The following SMARCC2 variants were observed in gnomAD, a reference collection of about 807,000 sequenced individuals.
The protein encoded by SMARCC2 is SWI/SNF related BAF chromatin remodeling complex subunit C2.
Under a neutral mutation model 151.3 loss-of-function variants are expected in SMARCC2, and 15 were observed. That is an observed-to-expected ratio of 0.10 (90% CI 0.07 to 0.15). SMARCC2 has a LOEUF of 0.15. SMARCC2 is among the 10% of genes least tolerant of loss of function. The probability of loss-of-function intolerance (pLI) is 1.00; values close to 1 mark genes in which losing one functional copy is unlikely to be tolerated. For synonymous variants in SMARCC2, 590 were observed against 609.5 expected, an observed-to-expected ratio of 0.97 and a Z score of 0.47; for missense variants, 1,031 against 1,599.7, an observed-to-expected ratio of 0.64 and a Z score of 6.06.
At chr12:56,176,153 A>C (rs946909628) in intron 15 of SMARCC2, among the ~76,000 whole-genome samples, 9 of 146,786 alleles carry the variant, frequency 6.1e-5, no homozygotes, top group African/African-American at 2.5e-4. Flanking sequence ...CACCATGCCC[A>C]GCCATCATTT....
At chr12:56,187,741 G>A (rs1166402322) in intron 1 of SMARCC2, among the ~76,000 whole-genome samples, 2 of 152,158 alleles carry the variant, frequency 1.3e-5, no homozygotes, top group Non-Finnish European at 2.9e-5. Context: ...CCCCTATAAT[G>A]TAGCCTAACA....
intron 26 of SMARCC2, among the ~76,000 whole-genome samples, chr12:56,167,144 G>A (rs772107330): frequency 6.6e-5 from 10 of 150,970 alleles, no homozygotes; most frequent in Non-Finnish European, 7.4e-5. Flanking sequence ...CTGAGATCGG[G>A]AGTTCGAGAC....
intron 26 of SMARCC2, among the ~76,000 whole-genome samples, chr12:56,167,628 G>A (rs183597683): frequency 4.6e-5 from 7 of 151,900 alleles, no homozygotes; most frequent in Admixed American, 1.3e-4. Flanking sequence ...CATCCGTTAC[G>A]CCCATTCACT....
At chr12:56,167,266 G>A (rs908849912) in intron 26 of SMARCC2, among the ~76,000 whole-genome samples, 2 of 151,766 alleles carry the variant, frequency 1.3e-5, no homozygotes, top group East Asian at 1.9e-4. Context: ...CAGGAGAATC[G>A]CTTCCCAGGA....
rs1874671366 is a variant in SMARCC2 at position 56,175,015 on chromosome 12, C to T, written c.1383-251G>A. Among the ~76,000 whole-genome samples, 5 of 151,926 alleles carry T rather than the reference C, an allele frequency of 3.3e-5. No individual in the cohort carries two copies. In the South Asian group the frequency reaches 1.0e-3, roughly 32 times the overall value. On this transcript the variant is annotated intron_variant, in intron 15 of 28. Transcript: ENST00000550164. ...TGGCTATACTTAGGGATATTTCATA[C>T]AATTTTTTTTTTTGAGATGGAGTTT... is the stretch of plus-strand genomic sequence containing the variant.
intron 26 of SMARCC2, 148 bp from the exon 27 acceptor site, chr12:56,165,847 T>C (rs1872680928): frequency 1.3e-6 from 1 of 763,886 alleles, no homozygotes; most frequent in East Asian, 2.6e-5. Context: ...GCTCCCTCTG[T>C]CCTCCCCACC....
rs1190652736 is a variant in SMARCC2, at chr12:56,172,940, C to G, written c.1740G>C (p.Glu580Asp). Residue 580 changes from glutamate to aspartate, a missense_variant, in exon 18 of 29, where the codon GAG becomes GAC. By Grantham distance (45) the Glu-to-Asp change is conservative. Around this residue, in one of 12 missense-constraint regions of SMARCC2, gnomAD observed 99 missense variants for 148.3 expected, o/e 0.67. Transcript: ENST00000550164. ...LVPETAKGKPELQTSASQQML... is the reference protein window; with the variant it reads ...LVPETAKGKPDLQTSASQQML... ...GCAGGGTCTGCACCCCACCTACCAG[C>G]TCTGGCTTGCCCTTAGCCGTCTCTG... 1 of 1,613,262 alleles carries G rather than the reference C, an allele frequency of 6.2e-7. No individual in the cohort carries two copies. Among genetic ancestry groups the G allele is most frequent in the African/African-American group, 1.3e-5 (1 of 74,954 alleles).
In SMARCC2 at chr12:56,167,889, A is replaced by AACACACACACAC. The variant is rs57344405; in HGVS notation, c.2850+159_2850+170dup. ...CCCACTGTTGCTTATCTTTCACTGA[A>AACACACACACAC]ACACACACACACACACACACACTCA... On this transcript the variant is annotated intron_variant, in intron 26 of 28. Transcript: ENST00000550164. Among the ~76,000 whole-genome samples, 2,596 of 132,590 alleles carry AACACACACACAC rather than the reference A, an allele frequency of 0.02. 111 individuals carry two copies. The highest frequency in any genetic ancestry group is 0.073 in the African/African-American group (2,486 of 34,288). 87.0% of individuals were successfully genotyped at this position (132,590 alleles called of 152,430 possible).
intron 17 of SMARCC2, 94 bp from the exon 18 acceptor site, chr12:56,173,123 A>G: frequency 9.7e-7 from 1 of 1,028,744 alleles, no homozygotes; most frequent in Non-Finnish European, 1.5e-6. Context: ...GCGGCCCACA[A>G]GCTCTGGGGG....
In SMARCC2 at chr12:56,168,135, G is replaced by A. The variant is rs199743603; in HGVS notation, c.2775C>T (p.Thr925=). 1 of 1,614,048 alleles carries A rather than the reference G, an allele frequency of 6.2e-7. No homozygotes were observed. The highest frequency in any genetic ancestry group is 8.5e-7 in the Non-Finnish European group (1 of 1,179,998). Residue 925 remains threonine, a synonymous_variant, in exon 26 of 29, where the codon ACC becomes ACT. Transcript: ENST00000550164. ...IKSLVALLVE[T]QMKKLEIKLR... Reference sequence around the variant, plus strand: ...GTTTGATCTCCAACTTTTTCATCTGGGTCTCCACCAGCAGGGCCACCAAAG... The same window carrying A: ...GTTTGATCTCCAACTTTTTCATCTGAGTCTCCACCAGCAGGGCCACCAAAG...
At chr12:56,170,258 G>C (rs765045580) in intron 22 of SMARCC2, 50 bp from the exon 23 acceptor site, 4 of 1,471,858 alleles carry the variant, frequency 2.7e-6, no homozygotes, top group Non-Finnish European at 3.7e-6. Flanking sequence ...ATACACAGTC[G>C]TCTGTGTCTA....
intron 2 of SMARCC2, 148 bp downstream of exon 2, chr12:56,187,039 T>C: frequency 1.4e-6 from 1 of 702,206 alleles, no homozygotes; most frequent in Non-Finnish European, 2.3e-6. Context: ...GCCAAGCCAA[T>C]AATGCCCTGA....
At position 56,169,395 on chromosome 12, in the gene SMARCC2, C is replaced by A; in HGVS notation, c.2715+134G>T. On this transcript the variant is annotated intron_variant, in intron 25 of 28. Transcript: ENST00000550164. ...AGAGAAGGGATGACTAACTTTACCT[C>A]CTCCTGAGATAAAAATAAAAAATAA... is the stretch of plus-strand genomic sequence containing the variant. 2.6e-6 allele frequency: 3 copies of A among 1,135,294 alleles called. No individual in the cohort carries two copies. In the South Asian group the frequency reaches 4.6e-5, roughly 17 times the overall value. The allele number at this position is 1,135,294 out of a possible 1,614,324, so 70.3% of individuals were successfully genotyped here.
chr12:56,173,349 T>C (rs1874321600), intron 17 of SMARCC2, among the ~76,000 whole-genome samples: 1 of 152,174 alleles, frequency 6.6e-6, no homozygotes. Flanking sequence ...AAAATGAAGA[T>C]GATAATTATG....
chr12:56,179,747 T>C (rs147738969), intron 11 of SMARCC2, among the ~76,000 whole-genome samples: 5,897 of 151,802 alleles, frequency 0.039, 366 homozygotes, highest in African/African-American at 0.13. Flanking sequence ...AGTGCAGTGG[T>C]GCGATCTCGG....
At position 56,181,744 on chromosome 12, in the gene SMARCC2, G is replaced by C. The variant is rs369279103; in HGVS notation, c.800C>G (p.Ser267Cys). The change falls in exon 9 of 29, where the codon TCC becomes TGC. Residue 267 changes from serine (S) to cysteine (C), a missense_variant. By Grantham distance (112) the Ser-to-Cys change is moderately radical. Around this residue, in one of 12 missense-constraint regions of SMARCC2, gnomAD observed 123 missense variants for 190.4 expected, o/e 0.65. Transcript: ENST00000550164. ...CTTGGCTGAAATCTTCTTTCGGCGG[G>C]AGACAGGGTTTTTGTCATCATTTAC... is the stretch of plus-strand genomic sequence containing the variant. ...YEVNDDKNPVSRRKKISAKTL... is the reference protein window; with the variant it reads ...YEVNDDKNPVCRRKKISAKTL... 1 of 1,614,050 alleles carries C rather than the reference G, an allele frequency of 6.2e-7. No individual in the cohort carries two copies. The highest frequency in any genetic ancestry group is 8.5e-7 in the Non-Finnish European group (1 of 1,180,034).
At chr12:56,177,750 C>A (rs1312379597) in intron 15 of SMARCC2, among the ~76,000 whole-genome samples, 2 of 152,154 alleles carry the variant, frequency 1.3e-5, no homozygotes, top group Non-Finnish European at 2.9e-5. Context: ...AGGCTCTATA[C>A]CCTGTTAAAA....
rs79682589 is a variant in SMARCC2, at chr12:56,184,974, G to C, written c.400-38C>G. On this transcript the variant is annotated intron_variant, in intron 4 of 28. Coordinates refer to ENST00000550164, the MANE Select transcript of SMARCC2 (RefSeq NM_001330288.2). ...GAAATAGAATGAGATTATAGGAAAG[G>C]GGTGTTTTAGATTCTCACTGAGGGA... 2.2e-4 allele frequency: 345 copies of C among 1,586,548 alleles called. No individual in the cohort carries two copies. In the African/African-American group the frequency reaches 4.2e-3, roughly 19 times the overall value.
Position 56,178,748 on chromosome 12 carries a change from G to C in SMARCC2, c.1179+62C>G, listed in dbSNP as rs901454178. ...GGGCAGTGAAAAGTTTGGGCAGAATGAACTTTATAATCACAAATCAGAATC... is the reference window on the plus strand; with the variant it reads ...GGGCAGTGAAAAGTTTGGGCAGAATCAACTTTATAATCACAAATCAGAATC... On this transcript the variant is annotated intron_variant, in intron 13 of 28. Transcript: ENST00000550164. 5.1e-6 allele frequency: 8 copies of C among 1,558,148 alleles called. No homozygotes were observed. In the East Asian group the frequency reaches 1.6e-4, roughly 31 times the overall value.
Sources: allele counts gnomAD v4.1 joint callset (sites outside exome capture counted in the v4.1 genomes callset), GRCh38; gene constraint gnomAD v4.1.1; regional missense constraint gnomAD v4.1.1; transcripts MANE v1.5; gene names NCBI Gene and HGNC (gene_info 2026-07-23, HGNC 2026-07-21).